Variants in ARMCX4 observed in about 807,000 individuals in gnomAD.
ARMCX4 encodes the protein armadillo repeat containing X-linked 4, also known as armadillo repeat-containing X-linked protein 4.
ARMCX4 carries 3 observed loss-of-function variants against 34.7 expected under a neutral mutation model. The observed-to-expected ratio is 0.09, with a 90% confidence interval of 0.04 to 0.22. The LOEUF (loss-of-function observed/expected upper bound fraction) is 0.22, where lower values mean the gene tolerates loss of function less well. Among genes scored for constraint, ARMCX4 ranks in the 10% least tolerant of loss-of-function variants. ARMCX4 has a pLI of 1.00. For synonymous variants in ARMCX4, 513 were observed against 632.8 expected, an observed-to-expected ratio of 0.81 and a Z score of 2.84; for missense variants, 1,448 against 1,720.8, an observed-to-expected ratio of 0.84 and a Z score of 2.81.
intron 11 of ARMCX4, among the ~76,000 whole-genome samples, chrX:101,512,975 G>C (rs1319286650): frequency 9.2e-6 from 1 of 108,204 alleles, no homozygotes; most frequent in East Asian, 2.9e-4. Flanking sequence ...ATGCTGGCAG[G>C]CTGAAAAGTT....
chrX:101,535,478 G>A (rs1935202823), downstream of ARMCX4, among the ~76,000 whole-genome samples: 1 of 112,019 alleles, frequency 8.9e-6, no homozygotes, highest in Non-Finnish European at 1.9e-5. Flanking sequence ...GATTTGAAGT[G>A]AATACTGCTT....
chrX:101,488,885 C>G lies in ARMCX4; in HGVS notation c.296C>G (p.Ala99Gly), dbSNP rs1262389151. ...TKATAIAIHRANSQAKAMVGA... is the reference protein window; with the variant it reads ...TKATAIAIHRGNSQAKAMVGA... ...GCCACTGCTATAGCCATACACAGAG[C>G]CAACTCTCAGGCCAAGGCAATGGTT... Residue 99 changes from alanine to glycine, a missense_variant, in exon 6 of 6, where the codon GCC (alanine) becomes GGC (glycine). By Grantham distance (60) the Ala-to-Gly change is moderately conservative. Coordinates refer to ENST00000423738, the MANE Select transcript of ARMCX4 (RefSeq NM_001256155.3). 8 of 1,154,436 alleles carry G rather than the reference C, an allele frequency of 6.9e-6. No homozygotes were observed. Among genetic ancestry groups the G allele is most frequent in the Non-Finnish European group, 9.2e-6 (8 of 872,706 alleles).
intron 3 of ARMCX4, 38 bp from the exon 4 acceptor site, chrX:101,487,570 C>T (rs1556007178): frequency 8.8e-6 from 7 of 792,345 alleles, no homozygotes; most frequent in Non-Finnish European, 1.2e-5. Context: ...ACCAGGGACT[C>T]GGTTTCCATT....
At chrX:101,510,375 A>G (rs1263196115) in intron 10 of ARMCX4, among the ~76,000 whole-genome samples, 1 of 112,015 alleles carries the variant, frequency 8.9e-6, no homozygotes, top group Admixed American at 9.5e-5. Flanking sequence ...CTCTCTTCCA[A>G]TGAATATTTT....
chrX:101,423,599 A>G (rs1929418527), intron 2 of ARMCX4, among the ~76,000 whole-genome samples: 1 of 109,893 alleles, frequency 9.1e-6, no homozygotes, highest in South Asian at 4.0e-4. Flanking sequence ...CCTGGGCAAC[A>G]AGAGTGAAAC....
At chrX:101,421,334 G>T (rs1175351426) in intron 2 of ARMCX4, among the ~76,000 whole-genome samples, 1 of 110,862 alleles carries the variant, frequency 9.0e-6, no homozygotes, top group Admixed American at 9.6e-5. Flanking sequence ...TAGAGTAGAG[G>T]TAATAGTAGC....
At chrX:101,456,068 TGGGC>T (rs1465249543) in intron 4 of ARMCX4, among the ~76,000 whole-genome samples, 7 of 111,753 alleles carry the variant, frequency 6.3e-5, no homozygotes, top group Non-Finnish European at 1.1e-4. Flanking sequence ...CCACCGTTGG[TGGGC>T]GGGTACCCGG....
intron 7 of ARMCX4, among the ~76,000 whole-genome samples, chrX:101,501,542 TAGC>T (rs200340691): frequency 4.5e-5 from 5 of 112,358 alleles, no homozygotes; most frequent in South Asian, 7.4e-4. Flanking sequence ...GGAGCAGCAG[TAGC>T]AGCAGCAGCA....
downstream of ARMCX4, among the ~76,000 whole-genome samples, chrX:101,451,399 A>T (rs375222197): frequency 3.6e-5 from 4 of 111,783 alleles, no homozygotes; most frequent in African/African-American, 1.3e-4. Flanking sequence ...CCTTCTCCCA[A>T]GCACATGAAT....
At chrX:101,472,434 T>C (rs1932950190) in intron 4 of ARMCX4, among the ~76,000 whole-genome samples, 2 of 81,407 alleles carry the variant, frequency 2.5e-5, no homozygotes, top group African/African-American at 9.9e-5. Context: ...AGGCCAACAT[T>C]CAGATTCAGG....
intron 11 of ARMCX4, among the ~76,000 whole-genome samples, chrX:101,529,034 T>C (rs782813383): frequency 9.0e-6 from 1 of 111,678 alleles, no homozygotes; most frequent in African/African-American, 3.3e-5. Flanking sequence ...AAGACAATCC[T>C]AATCAAAAAG....
At chrX:101,476,354 T>C (rs1933187433) in intron 4 of ARMCX4, among the ~76,000 whole-genome samples, 1 of 109,171 alleles carries the variant, frequency 9.2e-6, no homozygotes, top group South Asian at 3.9e-4. Flanking sequence ...ATTGCATACC[T>C]GTATCAAAAC....
chrX:101,455,096 A>T (rs1215256507), intron 4 of ARMCX4, among the ~76,000 whole-genome samples: 1 of 111,621 alleles, frequency 9.0e-6, no homozygotes, highest in East Asian at 2.8e-4. Flanking sequence ...TGCAGTGGGA[A>T]AGAAGAGATT....
At position 101,492,574 on chromosome X, in the gene ARMCX4, T is replaced by C. The variant is rs782719087; in HGVS notation, c.3985T>C (p.Trp1329Arg). The change falls in exon 6 of 6, where the codon TGG (tryptophan) becomes CGG (arginine). Residue 1329 changes from tryptophan to arginine, a missense_variant. Physicochemically the swap from Trp to Arg is moderately radical, Grantham distance 101. This residue lies in a region of ARMCX4 where 1,343 missense variants were observed against 1,540.7 expected (regional missense o/e 0.87). Coordinates refer to ENST00000423738, the MANE Select transcript of ARMCX4 (RefSeq NM_001256155.3). ...FEDQASGEGS[W>R]AGAGGQASGG... ...GGATCAAGCCAGTGGAGAAGGGTCC[T>C]GGGCTGGGGCTGGTGGCCAGGCTAG... The C allele has an allele frequency of 8.9e-7, 1 of 1,129,697 alleles. No individual in the cohort carries two copies. Among genetic ancestry groups the C allele is most frequent in the Admixed American group, 2.8e-5 (1 of 36,319 alleles). The allele number at this position is 1,129,697 out of a possible 1,213,427, so 93.1% of individuals were successfully genotyped here.
chrX:101,515,381 T>TTCTTTCTTTCTTTCTTTCCTTC (rs782141206), intron 11 of ARMCX4, among the ~76,000 whole-genome samples: 2 of 12,262 alleles, frequency 1.6e-4, no homozygotes, highest in Non-Finnish European at 2.6e-4. Context: ...CTTTCTTTCT[T>TTCTTTCTTTCTTTCTTTCCTTC]TTTCTTTCTT....
chrX:101,497,858 T>A (rs1934213375), downstream of ARMCX4, among the ~76,000 whole-genome samples: 1 of 112,057 alleles, frequency 8.9e-6, no homozygotes, highest in African/African-American at 3.2e-5. Flanking sequence ...TGTAAAAAAA[T>A]AATGTCACAC....
At chrX:101,478,981 CAT>C (rs1444375702) in intron 4 of ARMCX4, among the ~76,000 whole-genome samples, 1 of 110,377 alleles carries the variant, frequency 9.1e-6, no homozygotes, top group Non-Finnish European at 1.9e-5. Flanking sequence ...TACACACACA[CAT>C]ATATATATTC....
Position 101,494,073 on chromosome X carries a change from G to A in ARMCX4, c.5484G>A (p.Gly1828=), listed in dbSNP as rs1556010904. 1.0e-6 allele frequency: 1 copy of A among 990,828 alleles called. No homozygotes were observed. The highest frequency in any genetic ancestry group is 2.0e-5 in the African/African-American group (1 of 51,272). The allele number at this position is 990,828 out of a possible 1,213,427, so 81.7% of individuals were successfully genotyped here. A position where few individuals can be genotyped will look rare whatever the true frequency, so the allele number is the denominator to read the frequency against. The change falls in exon 6 of 6, where the codon GGG becomes GGA. Residue 1828 remains glycine, a synonymous_variant. Transcript: ENST00000423738. ...GAGAEAGAGA[G]AEAGAEAGAG... is the part of the protein sequence containing the mutation. ...GGGCTGAGGCTGGGGCTGGGGCTGG[G>A]GCTGAGGCTGGGGCTGAGGCTGGGG...
chrX:101,426,055 T>A (rs1929603426), intron 2 of ARMCX4, among the ~76,000 whole-genome samples: 1 of 110,723 alleles, frequency 9.0e-6, no homozygotes, highest in African/African-American at 3.3e-5. Flanking sequence ...ATTCCAGGGC[T>A]CAAGCAATCT....
Sources: allele counts gnomAD v4.1 joint callset (sites outside exome capture counted in the v4.1 genomes callset), GRCh38; gene constraint gnomAD v4.1.1; regional missense constraint gnomAD v4.1.1; transcripts MANE v1.5; gene names NCBI Gene and HGNC (gene_info 2026-07-23, HGNC 2026-07-21).